The following PLCG2 variants were observed in gnomAD, a reference collection of about 807,000 sequenced individuals.
The protein encoded by PLCG2 is phospholipase C gamma 2, also known as 1-phosphatidylinositol 4,5-bisphosphate phosphodiesterase gamma-2.
Under a neutral mutation model 175.6 loss-of-function variants are expected in PLCG2, and 69 were observed. That is an observed-to-expected ratio of 0.39 (90% CI 0.32 to 0.48). PLCG2 has a LOEUF of 0.48. Among genes scored for constraint, PLCG2 ranks in the 20% least tolerant of loss-of-function variants. PLCG2 has a pLI of 0.91. For synonymous variants in PLCG2, 827 were observed against 624.0 expected (o/e 1.33, Z -4.85); for missense variants, 1,798 against 1,650.9 (o/e 1.09, Z -1.54).
At chr16:81,821,387 A>G (rs748757521) in intron 2 of PLCG2, among the ~76,000 whole-genome samples, 4 of 152,214 alleles carry the variant, frequency 2.6e-5, no homozygotes, top group Non-Finnish European at 4.4e-5. Context: ...GGGCTCTTGA[A>G]TAATATGAGT....
chr16:81,951,141 A>C (rs938051490), intron 31 of PLCG2, among the ~76,000 whole-genome samples: 3 of 150,582 alleles, frequency 2.0e-5, no homozygotes, highest in Non-Finnish European at 4.4e-5. Context: ...TGCCTGGCTA[A>C]TTTAAAATTT....
chr16:81,954,775 T>C (rs13331425), intron 31 of PLCG2, among the ~76,000 whole-genome samples: 23,015 of 152,200 alleles, frequency 0.15, 2,150 homozygotes, highest in African/African-American at 0.26. Flanking sequence ...GTCTTTGCTG[T>C]TGTACATGGT....
intron 27 of PLCG2, among the ~76,000 whole-genome samples, chr16:81,936,593 G>GTGAT (rs1454851945): frequency 6.6e-6 from 1 of 152,116 alleles, no homozygotes; most frequent in Non-Finnish European, 1.5e-5. Flanking sequence ...CGCAGGCTTC[G>GTGAT]TGATTGTAAG....
In PLCG2 at chr16:81,892,067, C is replaced by A. The variant is rs184148700; in HGVS notation, c.986+477C>A. 8.7e-4 allele frequency among the ~76,000 whole-genome samples: 133 copies of A among 152,306 alleles called. 1 individual carries two copies. The highest frequency in any genetic ancestry group is 1.6e-3 in the Non-Finnish European group (109 of 68,028). On this transcript the variant is annotated intron_variant, in intron 11 of 32. Transcript: ENST00000564138. ...ATTGAAAGTTAACCACAGAATAGGACTTGCTGATGTGGGGAGCAGGTGGTA... is the reference window on the plus strand; with the variant it reads ...ATTGAAAGTTAACCACAGAATAGGAATTGCTGATGTGGGGAGCAGGTGGTA...
chr16:81,758,892 G>T (rs1909984428), intron 2 of PLCG2, among the ~76,000 whole-genome samples: 2 of 152,102 alleles, frequency 1.3e-5, no homozygotes, highest in Non-Finnish European at 2.9e-5. Context: ...TGGCCAGGCT[G>T]GTCTCGAACT....
chr16:81,909,684 G>A (rs1909532587), intron 17 of PLCG2, among the ~76,000 whole-genome samples: 1 of 152,158 alleles, frequency 6.6e-6, no homozygotes, highest in African/African-American at 2.4e-5. Flanking sequence ...GAAGTGCTAG[G>A]ATTACAGCTG....
chr16:81,960,972 T>C lies in PLCG2; in HGVS notation c.*2974T>C, dbSNP rs772048001. 4.4e-6 allele frequency: 1 copy of C among 229,690 alleles called. No homozygotes were observed. The highest frequency in any genetic ancestry group is 5.7e-5 in the Admixed American group (1 of 17,672). The allele number at this position is 229,690 out of a possible 1,614,324, so 14.2% of individuals were successfully genotyped here. A position where few individuals can be genotyped will look rare whatever the true frequency, so the allele number is the denominator to read the frequency against. ...AAGAAAATATGGCTGTCTCCACCTC[T>C]AGTCTTACTGTAGAGCATGTCCCAA... is the stretch of plus-strand genomic sequence containing the variant. On this transcript the variant is annotated 3_prime_UTR_variant, in exon 33 of 33. Coordinates refer to ENST00000564138, the MANE Select transcript of PLCG2 (RefSeq NM_002661.5).
In PLCG2 at chr16:81,907,738, T is replaced by C. The variant is rs766220019; in HGVS notation, c.1521T>C (p.Asp507=). ...CCGATGCCAAGCTGTCCTTCAGTGATGACATTGAACAGACTATGGAGGAGG... is the reference window on the plus strand; with the variant it reads ...CCGATGCCAAGCTGTCCTTCAGTGACGACATTGAACAGACTATGGAGGAGG... The part of the protein sequence containing the change: ...AIADAKLSFS[D]DIEQTMEEEV... Residue 507 remains aspartate, a synonymous_variant, in exon 16 of 33, where the codon GAT becomes GAC. Coordinates refer to ENST00000564138, the MANE Select transcript of PLCG2 (RefSeq NM_002661.5). 3 of 1,613,932 alleles carry C rather than the reference T, an allele frequency of 1.9e-6. No individual in the cohort carries two copies. Among genetic ancestry groups the C allele is most frequent in the Admixed American group, 3.3e-5 (2 of 60,032 alleles).
At chr16:81,936,011 G>A in intron 26 of PLCG2, 158 bp from the exon 27 acceptor site, 1 of 985,382 alleles carries the variant, frequency 1.0e-6, no homozygotes, top group Non-Finnish European at 1.2e-6. Flanking sequence ...AGTCCACAGT[G>A]ATACCAATTG....
At chr16:81,849,449 C>A (rs79056726) in intron 2 of PLCG2, among the ~76,000 whole-genome samples, 12,911 of 152,150 alleles carry the variant, frequency 0.085, 574 homozygotes, top group Non-Finnish European at 0.093. Context: ...CAGATGCTCA[C>A]CATAGGCCAG....
At chr16:81,748,815 G>C (rs942393575) in intron 1 of PLCG2, among the ~76,000 whole-genome samples, 1 of 152,186 alleles carries the variant, frequency 6.6e-6, no homozygotes, top group African/African-American at 2.4e-5. Flanking sequence ...TTACAACCCT[G>C]TGAACCAGTT....
intron 7 of PLCG2, among the ~76,000 whole-genome samples, chr16:81,878,832 A>C (rs536339477): frequency 1.9e-4 from 29 of 152,232 alleles, no homozygotes; most frequent in African/African-American, 7.0e-4. Flanking sequence ...GTTCTCTTGC[A>C]GCGTTTGTGG....
At chr16:81,775,107 T>A (rs755770988), upstream of PLCG2, among the ~76,000 whole-genome samples, 1 of 152,162 alleles carries the variant, frequency 6.6e-6, no homozygotes, top group Admixed American at 6.5e-5. Flanking sequence ...AACTCATGCA[T>A]GTAAAGTGTA....
intron 2 of PLCG2, among the ~76,000 whole-genome samples, chr16:81,764,240 C>T (rs1379985159): frequency 5.3e-5 from 8 of 152,056 alleles, no homozygotes; most frequent in Non-Finnish European, 1.2e-4. Flanking sequence ...CTGGAGTAAG[C>T]TGTGATTGAT....
intron 2 of PLCG2, among the ~76,000 whole-genome samples, chr16:81,803,604 CTT>C (rs1457796113): frequency 1.5e-4 from 18 of 118,212 alleles, no homozygotes; most frequent in Admixed American, 3.8e-4. Flanking sequence ...TTCTCCTTTT[CTT>C]TTCTTTTCTT....
intron 2 of PLCG2, among the ~76,000 whole-genome samples, chr16:81,833,874 C>T (rs1567488717): frequency 6.6e-6 from 1 of 152,160 alleles, no homozygotes; most frequent in Non-Finnish European, 1.5e-5. Context: ...TAACGATTGC[C>T]TTTGGCGATG....
intron 12 of PLCG2, 151 bp downstream of exon 12, chr16:81,893,945 G>GTTTTCT (rs1194221753): frequency 5.5e-5 from 25 of 451,232 alleles, no homozygotes; most frequent in African/African-American, 5.1e-4. Flanking sequence ...ATGTTTCTTT[G>GTTTTCT]TTTTCTTTTT....
intron 2 of PLCG2, among the ~76,000 whole-genome samples, chr16:81,828,524 C>T (rs1336493861): frequency 3.3e-5 from 5 of 152,120 alleles, no homozygotes; most frequent in Non-Finnish European, 5.9e-5. Flanking sequence ...AGGCGTGAGC[C>T]ACCGCACCCG....
intron 2 of PLCG2, among the ~76,000 whole-genome samples, chr16:81,851,863 C>G (rs919849044): frequency 6.6e-6 from 1 of 152,178 alleles, no homozygotes; most frequent in Non-Finnish European, 1.5e-5. Context: ...TGAGCTAGAC[C>G]CACGGTAAGA....
Sources: allele counts gnomAD v4.1 joint callset (sites outside exome capture counted in the v4.1 genomes callset), GRCh38; gene constraint gnomAD v4.1.1; transcripts MANE v1.5; gene names NCBI Gene and HGNC (gene_info 2026-07-23, HGNC 2026-07-21).